CHD6: variants seen among roughly 807,000 people sequenced by gnomAD.
CHD6 encodes ATP-dependent chromatin remodeler CHD6.
In CHD6, 50 loss-of-function variants were observed where a neutral mutation model predicts 276.9. The observed-to-expected ratio is 0.18, with a 90% CI of 0.14 to 0.23. The LOEUF (loss-of-function observed/expected upper bound fraction) is 0.23. Ranked by LOEUF, CHD6 falls within the 10% of genes least tolerant of loss-of-function variation. CHD6 has a pLI of 1.00. For missense variants in CHD6, 2,564 were observed against 3,365.8 expected, an observed-to-expected ratio of 0.76 and a Z score of 5.89; for synonymous variants, 1,173 against 1,229.3, an observed-to-expected ratio of 0.95 and a Z score of 0.96.
chr20:41,547,562 CAA>C, intron 2 of CHD6: 2 of 501,108 alleles, frequency 4.0e-6, no homozygotes, highest in Non-Finnish European at 7.9e-6. Flanking sequence ...ATGACATTGC[CAA>C]GGCAACTAGT....
intron 5 of CHD6, among the ~76,000 whole-genome samples, chr20:41,500,758 G>A (rs775702344): frequency 2.6e-5 from 4 of 151,934 alleles, no homozygotes; most frequent in African/African-American, 9.7e-5. Flanking sequence ...TTTATATACC[G>A]ACATAGCTAG....
chr20:41,553,065 A>C (rs934298482), intron 1 of CHD6, among the ~76,000 whole-genome samples: 3 of 152,232 alleles, frequency 2.0e-5, no homozygotes, highest in African/African-American at 4.8e-5. Context: ...ATTACAGTGG[A>C]GTCAGTTGTA....
rs145735137 is a variant in CHD6, at chr20:41,599,061, T to C, written c.-24+19279A>G. 4.3e-3 allele frequency among the ~76,000 whole-genome samples: 658 copies of C among 152,380 alleles called. 4 individuals carry two copies. The highest frequency in any genetic ancestry group is 0.015 in the African/African-American group (625 of 41,596). On this transcript the variant is annotated intron_variant, in intron 1 of 36. Coordinates refer to ENST00000373233, the MANE Select transcript of CHD6 (RefSeq NM_032221.5). ...AATAGCTACAGGATTTCAATCTATA[T>C]TGTTCTCATGGGAAACTGTAAACAA... is the stretch of plus-strand genomic sequence containing the variant.
Position 41,413,356 on chromosome 20 carries a change from C to T in CHD6, c.7099G>A (p.Asp2367Asn). 6.2e-7 allele frequency: 1 copy of T among 1,610,718 alleles called. No homozygotes were observed. The highest frequency in any genetic ancestry group is 8.5e-7 in the Non-Finnish European group (1 of 1,179,290). The change falls in exon 35 of 37, where the codon GAC (aspartate) becomes AAC (asparagine). Residue 2367 changes from aspartate (D) to asparagine (N), a missense_variant. Around this residue, in one of 7 missense-constraint regions of CHD6, gnomAD observed 1,024 missense variants for 1,047.9 expected, o/e 0.98. Coordinates refer to ENST00000373233, the MANE Select transcript of CHD6 (RefSeq NM_032221.5). ...AAGCCAGGAACTTCTAAGGAGTAGT[C>T]AGCCTGCTGCCTTAGCCAGTCAAGC... ...SLLDWLRQQA[D>N]YSLEVPGFGA...
chr20:41,513,802 T>C (rs1235760768), intron 4 of CHD6, among the ~76,000 whole-genome samples: 1 of 152,198 alleles, frequency 6.6e-6, no homozygotes, highest in Non-Finnish European at 1.5e-5. Flanking sequence ...CCCACCTCTC[T>C]TTTCTTCTAA....
chr20:41,568,476 C>T (rs1020660127), intron 1 of CHD6, among the ~76,000 whole-genome samples: 1 of 152,156 alleles, frequency 6.6e-6, no homozygotes, highest in African/African-American at 2.4e-5. Context: ...AAAAGAAAAA[C>T]CACATATTTA....
At chr20:41,574,336 T>C (rs552951714) in intron 1 of CHD6, among the ~76,000 whole-genome samples, 1 of 152,308 alleles carries the variant, frequency 6.6e-6, no homozygotes, top group South Asian at 2.1e-4. Context: ...GTCCTACCTA[T>C]ACTTGGAGAT....
At chr20:41,442,090 T>C (rs1333138160) in intron 25 of CHD6, among the ~76,000 whole-genome samples, 1 of 152,096 alleles carries the variant, frequency 6.6e-6, no homozygotes, top group African/African-American at 2.4e-5. Context: ...GATCGATCTA[T>C]GGCTATATTC....
chr20:41,471,334 CTTA>C (rs1300572003), intron 17 of CHD6, among the ~76,000 whole-genome samples: 1 of 152,064 alleles, frequency 6.6e-6, no homozygotes, highest in Admixed American at 6.5e-5. Flanking sequence ...TTAGTTTTTG[CTTA>C]TTATTATTTT....
At chr20:41,466,669 A>G (rs1241324390) in intron 17 of CHD6, among the ~76,000 whole-genome samples, 15 of 152,122 alleles carry the variant, frequency 9.9e-5, no homozygotes, top group Non-Finnish European at 2.2e-4. Context: ...TCTGGCTCAT[A>G]TGGTGTTGAG....
intron 2 of CHD6, chr20:41,547,623 C>T: frequency 1.7e-6 from 1 of 605,166 alleles, no homozygotes; most frequent in Middle Eastern, 5.3e-4. Flanking sequence ...TCAGAACAGA[C>T]AGGCCCAGAT....
At chr20:41,531,919 G>C (rs543648071) in intron 3 of CHD6, among the ~76,000 whole-genome samples, 1 of 152,114 alleles carries the variant, frequency 6.6e-6, no homozygotes, top group Non-Finnish European at 1.5e-5. Flanking sequence ...ACATCAGTCT[G>C]TGTTTTTTTA....
At chr20:41,590,177 T>C (rs1487176187) in intron 1 of CHD6, among the ~76,000 whole-genome samples, 2 of 152,098 alleles carry the variant, frequency 1.3e-5, no homozygotes, top group Non-Finnish European at 2.9e-5. Context: ...AAAGCTGAAG[T>C]TCGATCCCTT....
intron 1 of CHD6, among the ~76,000 whole-genome samples, chr20:41,556,168 G>A (rs1460599695): frequency 1.3e-5 from 2 of 152,276 alleles, no homozygotes; most frequent in Non-Finnish European, 2.9e-5. Context: ...AGGAGAATCA[G>A]GCAGGGAGGT....
At chr20:41,555,557 G>C (rs1432016277) in intron 1 of CHD6, among the ~76,000 whole-genome samples, 1 of 149,736 alleles carries the variant, frequency 6.7e-6, no homozygotes, top group Admixed American at 6.6e-5. Context: ...CAGGCGGAGG[G>C]TCTCCTCACT....
At position 41,415,343 on chromosome 20, in the gene CHD6, T is replaced by C; in HGVS notation, c.6782A>G (p.Gln2261Arg). The stretch of plus-strand genomic sequence containing the variant: ...AGTCACAGGATGGATCAGGCCAGCT[T>C]GCAGAATCCCAGACAAGTCCATGCC... The part of the protein sequence containing the change: ...ALGMDLSGIL[Q>R]AGLIHPVTGQ... The change falls in exon 34 of 37, where the codon CAA becomes CGA. Residue 2261 changes from glutamine to arginine, a missense_variant. This residue lies in a region of CHD6 where 1,024 missense variants were observed against 1,047.9 expected (regional missense o/e 0.98). Transcript: ENST00000373233. 6.2e-7 allele frequency: 1 copy of C among 1,614,150 alleles called. No homozygotes were observed. The highest frequency in any genetic ancestry group is 8.5e-7 in the Non-Finnish European group (1 of 1,180,012).
intron 3 of CHD6, among the ~76,000 whole-genome samples, chr20:41,524,931 G>A (rs1404607925): frequency 6.6e-6 from 1 of 152,142 alleles, no homozygotes; most frequent in African/African-American, 2.4e-5. Flanking sequence ...TATTTCTTCT[G>A]ATGACAGTTG....
intron 1 of CHD6, among the ~76,000 whole-genome samples, chr20:41,559,662 T>C (rs927428998): frequency 1.3e-5 from 2 of 152,190 alleles, no homozygotes; most frequent in Admixed American, 6.5e-5. Flanking sequence ...ATGCTGTCAA[T>C]ACCAGAAAGG....
At chr20:41,482,632 T>C in intron 16 of CHD6, 1 of 446,922 alleles carries the variant, frequency 2.2e-6, no homozygotes, top group Admixed American at 2.6e-5. Context: ...AACTCATTTG[T>C]CATCTTCAGA....
Sources: gnomAD v4.1 joint callset for allele counts (sites outside exome capture counted in the v4.1 genomes callset) on GRCh38, gnomAD v4.1.1 for gene constraint, gnomAD v4.1.1 regional missense constraint, MANE v1.5 for transcripts, NCBI Gene and HGNC (gene_info 2026-07-23, HGNC 2026-07-21) for gene names.